The following MDN1 variants were observed in gnomAD, a reference collection of about 807,000 sequenced individuals.
MDN1 encodes midasin.
A neutral mutation model predicts 669.2 loss-of-function variants in MDN1; 266 were observed. The observed-to-expected ratio is 0.40, with a 90% CI of 0.36 to 0.44. MDN1 has a LOEUF of 0.44. Among genes scored for constraint, MDN1 ranks in the 20% least tolerant of loss-of-function variants. The pLI is 1.00. For missense variants in MDN1, 5,940 were observed against 6,754.0 expected (o/e 0.88, Z 4.22); for synonymous variants, 2,385 against 2,457.1 (o/e 0.97, Z 0.87).
At chr6:89,670,534 G>C (rs1305141978) in intron 83 of MDN1, among the ~76,000 whole-genome samples, 1 of 151,990 alleles carries the variant, frequency 6.6e-6, no homozygotes, top group African/African-American at 2.4e-5. Flanking sequence ...ACACCAACAT[G>C]GTTAAAAGAA....
intron 80 of MDN1, 24 bp downstream of exon 80, chr6:89,673,212 C>T (rs1810950069): frequency 1.3e-6 from 2 of 1,572,484 alleles, no homozygotes; most frequent in South Asian, 2.2e-5. Flanking sequence ...GACTTTCATT[C>T]CCTGACTGAA....
intron 2 of MDN1, among the ~76,000 whole-genome samples, chr6:89,799,392 T>TTAC (rs1562232730): frequency 6.6e-6 from 1 of 152,226 alleles, no homozygotes; most frequent in Non-Finnish European, 1.5e-5. Flanking sequence ...CACTTAGAAA[T>TTAC]AGTAAAGTTG....
chr6:89,710,759 A>T lies in MDN1; in HGVS notation c.7687T>A (p.Ser2563Thr), dbSNP rs767378947. The T allele has an allele frequency of 4.6e-5, 74 of 1,603,336 alleles. No individual in the cohort carries two copies. The highest frequency in any genetic ancestry group is 6.0e-5 in the Non-Finnish European group (70 of 1,175,914). The change falls in exon 50 of 102, where the codon TCT becomes ACT. Residue 2563 changes from serine to threonine, a missense_variant. Ser to Thr is a moderately conservative substitution (Grantham distance 58). Coordinates refer to ENST00000369393, the MANE Select transcript of MDN1 (RefSeq NM_014611.3). ...IQIHLEASAA[S>T]LRNFYSHSLS... Reference sequence around the variant, plus strand: ...GAATGTGAGTAAAAATTCCTGAGAGATGCAGCACTGGCTTCCAAATGAATT... The same window carrying T: ...GAATGTGAGTAAAAATTCCTGAGAGTTGCAGCACTGGCTTCCAAATGAATT...
intron 30 of MDN1, 138 bp downstream of exon 30, chr6:89,743,438 G>C (rs1228167123): frequency 2.2e-5 from 29 of 1,337,750 alleles, no homozygotes; most frequent in African/African-American, 2.9e-5. Flanking sequence ...GCTTGTGAAG[G>C]CCCTTGTAGA....
rs112525303 is a variant in MDN1 at position 89,655,168 on chromosome 6, G to C, written c.15490+596C>G. 4.6e-5 allele frequency among the ~76,000 whole-genome samples: 7 copies of C among 151,866 alleles called. 1 individual carries two copies. ...AATCCAATGTAGAGCAGTCATTTTC[G>C]TACCATCCTAAATGGTAGATTATTC... is the stretch of plus-strand genomic sequence containing the variant. On this transcript the variant is annotated intron_variant, in intron 92 of 101. Coordinates refer to ENST00000369393, the MANE Select transcript of MDN1 (RefSeq NM_014611.3).
At chr6:89,719,734 C>T (rs181139540) in intron 40 of MDN1, among the ~76,000 whole-genome samples, 4 of 152,326 alleles carry the variant, frequency 2.6e-5, no homozygotes, top group East Asian at 1.9e-4. Context: ...ACAGCACTCA[C>T]AAGAGTTATA....
intron 99 of MDN1, among the ~76,000 whole-genome samples, chr6:89,647,085 A>G (rs572425945): frequency 6.6e-6 from 1 of 152,292 alleles, no homozygotes; most frequent in South Asian, 2.1e-4. Flanking sequence ...CCATGCCTAG[A>G]TGATACAGGC....
At chr6:89,651,346 A>G (rs1808853190) in intron 95 of MDN1, among the ~76,000 whole-genome samples, 1 of 139,652 alleles carries the variant, frequency 7.2e-6, no homozygotes, top group South Asian at 2.3e-4. Flanking sequence ...AAAAAAAAAG[A>G]AAAAGAAAAA....
At chr6:89,669,948 T>C (rs2128303359) in intron 83 of MDN1, among the ~76,000 whole-genome samples, 1 of 151,602 alleles carries the variant, frequency 6.6e-6, no homozygotes, top group Non-Finnish European at 1.5e-5. Flanking sequence ...CTTACACATG[T>C]AATCCCAGCA....
intron 15 of MDN1, among the ~76,000 whole-genome samples, chr6:89,763,341 A>C (rs9362677): frequency 0.043 from 6,579 of 151,456 alleles, 716 homozygotes; most frequent in East Asian, 0.4. Context: ...GCAAAAAAAA[A>C]AAAAAAAAAA....
At position 89,749,436 on chromosome 6, in the gene MDN1, T is replaced by C. The variant is rs781669114; in HGVS notation, c.3616-67A>G. 12 of 1,597,182 alleles carry C rather than the reference T, an allele frequency of 7.5e-6. No homozygotes were observed. Among genetic ancestry groups the C allele is most frequent in the Non-Finnish European group, 9.4e-6 (11 of 1,169,044 alleles). ...AATTTCCAATATGGAGGCTCTGACA[T>C]TCACCATAAAATATTAAAGGAGAAG... On this transcript the variant is annotated intron_variant, in intron 25 of 101. Transcript: ENST00000369393.
intron 22 of MDN1, 86 bp downstream of exon 22, chr6:89,753,426 A>G (rs540805778): frequency 4.2e-6 from 4 of 954,974 alleles, no homozygotes; most frequent in Non-Finnish European, 6.3e-6. Context: ...TTAAAAAGTT[A>G]TGTGAAAAAA....
At chr6:89,697,067 A>C (rs1812806039) in intron 59 of MDN1, among the ~76,000 whole-genome samples, 1 of 152,204 alleles carries the variant, frequency 6.6e-6, no homozygotes, top group Non-Finnish European at 1.5e-5. Context: ...AGGGATCCAA[A>C]GTTTATCACT....
intron 88 of MDN1, 24 bp downstream of exon 88, chr6:89,661,407 T>C (rs1367620239): frequency 1.3e-5 from 21 of 1,605,468 alleles, no homozygotes; most frequent in Non-Finnish European, 1.6e-5. Context: ...TTCTAACCGG[T>C]CTCTTTGTTT....
chr6:89,713,328 T>C (rs747741259), intron 46 of MDN1, 32 bp from the exon 47 acceptor site: 20 of 1,554,050 alleles, frequency 1.3e-5, no homozygotes, highest in Non-Finnish European at 1.2e-5. Context: ...CTATAAACAA[T>C]AGAGTCTTTA....
At chr6:89,776,517 A>T in intron 12 of MDN1, 83 bp downstream of exon 12, 1 of 1,013,680 alleles carries the variant, frequency 9.9e-7, no homozygotes, top group Non-Finnish European at 1.5e-6. Flanking sequence ...AGCTGTTCCA[A>T]CTAAGGACTA....
chr6:89,664,711 T>G, intron 84 of MDN1, 83 bp from the exon 85 acceptor site: 2 of 1,120,542 alleles, frequency 1.8e-6, no homozygotes, highest in Non-Finnish European at 2.6e-6. Flanking sequence ...CCAAGGTTAA[T>G]GGTGTAAAAA....
chr6:89,702,266 C>G (rs1270363941), intron 53 of MDN1, among the ~76,000 whole-genome samples: 1 of 152,114 alleles, frequency 6.6e-6, no homozygotes, highest in Admixed American at 6.5e-5. Flanking sequence ...GTAAGGCAGA[C>G]AGAGGAGGTG....
At chr6:89,742,368 A>C (rs923804471) in intron 31 of MDN1, among the ~76,000 whole-genome samples, 27 of 151,042 alleles carry the variant, frequency 1.8e-4, no homozygotes, top group Non-Finnish European at 1.8e-4. Flanking sequence ...AAATCACACC[A>C]CTGCACTCCA....
Sources: gnomAD v4.1 joint callset for allele counts (sites outside exome capture counted in the v4.1 genomes callset) on GRCh38, gnomAD v4.1.1 for gene constraint, MANE v1.5 for transcripts, NCBI Gene and HGNC (gene_info 2026-07-23, HGNC 2026-07-21) for gene names.